Variants in PLBD1 observed in about 807,000 individuals in gnomAD.
The protein encoded by PLBD1 is lysosomal leucine aminopeptidase.
In PLBD1, 60 loss-of-function variants were observed where a neutral mutation model predicts 63.0. The observed-to-expected ratio is 0.95, with a 90% CI of 0.77 to 1.18. PLBD1 has a LOEUF of 1.18. Ranked by LOEUF, PLBD1 falls within the 50% of genes most tolerant of loss-of-function variation. PLBD1 has a pLI of 0.00. For missense variants in PLBD1, 598 were observed against 677.9 expected, an observed-to-expected ratio of 0.88 and a Z score of 1.31; for synonymous variants, 262 against 248.0, an observed-to-expected ratio of 1.06 and a Z score of -0.53.
intron 2 of PLBD1, among the ~76,000 whole-genome samples, chr12:14,548,935 C>T (rs1190284667): frequency 6.6e-6 from 1 of 152,194 alleles, no homozygotes; most frequent in Non-Finnish European, 1.5e-5. Flanking sequence ...ACCCTTATCA[C>T]CATGCTTTCC....
chr12:14,520,039 T>C (rs761034749), intron 6 of PLBD1, among the ~76,000 whole-genome samples: 8 of 152,160 alleles, frequency 5.3e-5, no homozygotes, highest in Admixed American at 1.3e-4. Context: ...TAACTGTGCA[T>C]GAATGTGGGA....
intron 6 of PLBD1, among the ~76,000 whole-genome samples, chr12:14,524,617 C>T (rs1238259001): frequency 6.6e-6 from 1 of 152,032 alleles, no homozygotes; most frequent in Non-Finnish European, 1.5e-5. Flanking sequence ...CCATAAGGAA[C>T]TGATAAATGT....
intron 6 of PLBD1, among the ~76,000 whole-genome samples, chr12:14,527,847 AG>A (rs764925187): frequency 1.3e-5 from 2 of 152,108 alleles, no homozygotes; most frequent in African/African-American, 2.4e-5. Flanking sequence ...AGACAGGAAA[AG>A]TACAAGATGA....
chr12:14,519,454 C>T (rs568263106), intron 6 of PLBD1, among the ~76,000 whole-genome samples: 28 of 151,926 alleles, frequency 1.8e-4, no homozygotes, highest in African/African-American at 6.3e-4. Context: ...CCTGTCTCCA[C>T]TAAAAATACA....
chr12:14,551,111 T>A (rs1186088733), intron 2 of PLBD1, among the ~76,000 whole-genome samples: 1 of 151,930 alleles, frequency 6.6e-6, no homozygotes, highest in Admixed American at 6.6e-5. Context: ...ATGCCTGTAA[T>A]CCCAGCACTT....
At chr12:14,514,742 A>T (rs998180319) in intron 6 of PLBD1, among the ~76,000 whole-genome samples, 10 of 147,258 alleles carry the variant, frequency 6.8e-5, no homozygotes, top group Non-Finnish European at 7.5e-5. Context: ...ATCTTTTTAA[A>T]TTTTTTTTTT....
rs199934039 is a variant in PLBD1, at chr12:14,548,843, AGAG to A, written c.335+4347_335+4349del. 1.5e-3 allele frequency among the ~76,000 whole-genome samples: 232 copies of A among 152,346 alleles called. 3 individuals are homozygous for A. In the South Asian group the frequency reaches 0.02, roughly 13 times the overall value. On this transcript the variant is annotated intron_variant, in intron 2 of 10. Coordinates refer to ENST00000240617, the MANE Select transcript of PLBD1 (RefSeq NM_024829.6). ...TGACTCATTCAAACTGTGTAATACC[AGAG>A]GAGGGAGTTTCAGCAGCCGCGTGAA...
intron 1 of PLBD1, among the ~76,000 whole-genome samples, chr12:14,557,925 G>A (rs1268445038): frequency 1.3e-5 from 2 of 151,868 alleles, no homozygotes; most frequent in Non-Finnish European, 2.9e-5. Flanking sequence ...AAAGACACTT[G>A]CATACGTATG....
intron 4 of PLBD1, among the ~76,000 whole-genome samples, chr12:14,538,257 G>A (rs897773788): frequency 7.9e-5 from 12 of 151,928 alleles, no homozygotes; most frequent in Non-Finnish European, 1.6e-4. Context: ...GCAATGGCGC[G>A]ATCTCAGCTC....
At chr12:14,504,297 G>A (rs545657089) in intron 10 of PLBD1, among the ~76,000 whole-genome samples, 21 of 152,130 alleles carry the variant, frequency 1.4e-4, no homozygotes, top group East Asian at 1.9e-4. Context: ...TGATCCGCCC[G>A]CCTCAGCCTC....
chr12:14,556,305 G>C (rs919874735), intron 1 of PLBD1, among the ~76,000 whole-genome samples: 6 of 152,146 alleles, frequency 3.9e-5, no homozygotes, highest in Non-Finnish European at 5.9e-5. Flanking sequence ...TAAGAGGCTA[G>C]AAAGTTTTCA....
intron 2 of PLBD1, among the ~76,000 whole-genome samples, chr12:14,544,803 TCTTA>T (rs749931535): frequency 5.9e-5 from 9 of 152,198 alleles, no homozygotes; most frequent in Non-Finnish European, 7.3e-5. Flanking sequence ...AAAATCATCT[TCTTA>T]CTTCTTATTC....
At chr12:14,562,086 C>G (rs2136935771) in intron 1 of PLBD1, among the ~76,000 whole-genome samples, 1 of 152,272 alleles carries the variant, frequency 6.6e-6, no homozygotes, top group South Asian at 2.1e-4. Context: ...AATTTCAGAG[C>G]CAGCCTGTCT....
intron 6 of PLBD1, among the ~76,000 whole-genome samples, chr12:14,512,968 T>A: frequency 6.6e-6 from 1 of 152,212 alleles, no homozygotes; most frequent in East Asian, 1.9e-4. Context: ...AACATTTCTA[T>A]AGCTTATAAA....
chr12:14,550,482 C>T (rs935897400), intron 2 of PLBD1, among the ~76,000 whole-genome samples: 1 of 152,108 alleles, frequency 6.6e-6, no homozygotes, highest in Non-Finnish European at 1.5e-5. Flanking sequence ...GGCAAAAAGG[C>T]AAATTAAACA....
rs748378581 is a variant in PLBD1 at position 14,507,088 on chromosome 12, T to TG, written c.1216dup (p.His406ProfsTer2). ...GCCACTCCAGTTGTAGATTTTTTCA[T>TG]GGAAAGGAACATTGTAGGAGGGCCA... On this transcript the variant is annotated frameshift_variant, in exon 9 of 11. Coordinates refer to ENST00000240617, the MANE Select transcript of PLBD1 (RefSeq NM_024829.6). LOFTEE classifies it high-confidence loss of function. The TG allele has an allele frequency of 2.5e-6, 4 of 1,612,238 alleles. No individual in the cohort carries two copies. Among genetic ancestry groups the TG allele is most frequent in the South Asian group, 2.2e-5 (2 of 90,894 alleles).
intron 2 of PLBD1, among the ~76,000 whole-genome samples, chr12:14,548,197 C>T (rs1945629833): frequency 6.6e-6 from 1 of 151,862 alleles, no homozygotes; most frequent in Non-Finnish European, 1.5e-5. Flanking sequence ...TGGCTCACGC[C>T]TGTAATCCCA....
chr12:14,507,814 A>G (rs1357130821), intron 8 of PLBD1, among the ~76,000 whole-genome samples: 7 of 152,194 alleles, frequency 4.6e-5, no homozygotes, highest in Non-Finnish European at 8.8e-5. Context: ...TGAAGGCCAC[A>G]TAGCCTACTA....
intron 4 of PLBD1, among the ~76,000 whole-genome samples, chr12:14,539,437 T>A (rs74675110): frequency 0.013 from 2,019 of 151,844 alleles, 27 homozygotes; most frequent in Non-Finnish European, 0.019. Context: ...CATCTATATA[T>A]ATTTTTAAGA....
Sources: allele counts gnomAD v4.1 joint callset (sites outside exome capture counted in the v4.1 genomes callset), GRCh38; gene constraint gnomAD v4.1.1; transcripts MANE v1.5; gene names NCBI Gene and HGNC (gene_info 2026-07-23, HGNC 2026-07-21).